The following LARGE1 variants were observed in gnomAD, a reference collection of about 807,000 sequenced individuals.
LARGE1 encodes the protein xylosyl- and glucuronyltransferase LARGE1.
A neutral mutation model predicts 87.6 loss-of-function variants in LARGE1; 43 were observed. That is an observed-to-expected ratio of 0.49 (90% confidence interval 0.38 to 0.63). The LOEUF is 0.63. Among genes scored for constraint, LARGE1 ranks in the 30% least tolerant of loss-of-function variants. The pLI is 0.00. For missense variants in LARGE1, 802 were observed against 1,000.2 expected (o/e 0.80, Z 2.67); for synonymous variants, 434 against 394.6 (o/e 1.10, Z -1.18).
chr22:33,493,223 C>A, intron 6 of LARGE1, among the ~76,000 whole-genome samples: 1 of 138,118 alleles, frequency 7.2e-6, no homozygotes, highest in Non-Finnish European at 1.5e-5. Flanking sequence ...TGCAGTGGTG[C>A]GATCTCGGCT....
chr22:33,497,321 C>A (rs965687730), intron 6 of LARGE1, among the ~76,000 whole-genome samples: 2 of 152,132 alleles, frequency 1.3e-5, no homozygotes, highest in African/African-American at 4.8e-5. Context: ...AGTGATCCAC[C>A]CACCTTGGCC....
chr22:33,772,365 T>C (rs77755683), intron 1 of LARGE1, among the ~76,000 whole-genome samples: 3 of 151,656 alleles, frequency 2.0e-5, no homozygotes, highest in African/African-American at 7.3e-5. Context: ...GTGTCTCTCA[T>C]CAACTCTTAA....
chr22:33,171,518 C>T (rs1922570180), intron 11 of LARGE1, among the ~76,000 whole-genome samples: 1 of 152,208 alleles, frequency 6.6e-6, no homozygotes, highest in African/African-American at 2.4e-5. Context: ...GCACCCAGGG[C>T]CCCACTGCTC....
intron 10 of LARGE1, among the ~76,000 whole-genome samples, chr22:33,320,351 C>A (rs146460624): frequency 6.6e-6 from 1 of 152,138 alleles, no homozygotes; most frequent in Non-Finnish European, 1.5e-5. Context: ...AAAAACCTTC[C>A]ATTTACCTTT....
intron 1 of LARGE1, among the ~76,000 whole-genome samples, chr22:33,837,816 A>G (rs930529815): frequency 2.6e-5 from 4 of 152,222 alleles, no homozygotes; most frequent in South Asian, 2.1e-4. Flanking sequence ...GGCCAGCAAG[A>G]TATCTTCCAC....
rs145876751 is a variant in LARGE1 at position 33,308,629 on chromosome 22, G to A, written c.1452-4122C>T. ...TGACATGAGAAGAGGTGAGACAACC[G>A]GCTTGTACCTGCCGCCATGTGAACT... On this transcript the variant is annotated intron_variant, in intron 11 of 14. Transcript: ENST00000397394. Among the ~76,000 whole-genome samples the A allele has an allele frequency of 2.8e-3, 433 of 152,192 alleles. 1 individual carries two copies. The highest frequency in any genetic ancestry group is 0.01 in the African/African-American group (415 of 41,494).
chr22:33,312,867 G>A (rs888345181), intron 11 of LARGE1, among the ~76,000 whole-genome samples: 1 of 152,210 alleles, frequency 6.6e-6, no homozygotes, highest in Non-Finnish European at 1.5e-5. Context: ...GGAGGAGAAG[G>A]AAACACATAT....
At chr22:33,442,948 C>T (rs1334262692) in intron 6 of LARGE1, among the ~76,000 whole-genome samples, 3 of 152,108 alleles carry the variant, frequency 2.0e-5, no homozygotes, top group Admixed American at 2.0e-4. Context: ...GCCCGCACCA[C>T]ATCCGGCTAA....
chr22:33,283,084 C>G, intron 13 of LARGE1, 118 bp downstream of exon 13: 2 of 1,263,236 alleles, frequency 1.6e-6, no homozygotes, highest in Non-Finnish European at 1.2e-6. Context: ...GCTTTCCTGG[C>G]CTCACAATGG....
rs557315929 is a variant in LARGE1 at position 33,859,263 on chromosome 22, T to A, written c.-83+60732A>T. ...CAAACCTGTATCATGATAATAATGT[T>A]GTATTACTGTACTTCCTAATTTCAG... On this transcript the variant is annotated intron_variant, in intron 1 of 14. Coordinates refer to ENST00000397394, the MANE Select transcript of LARGE1 (RefSeq NM_133642.5). Among the ~76,000 whole-genome samples the A allele has an allele frequency of 3.1e-3, 472 of 152,336 alleles. 1 individual carries two copies. The highest frequency in any genetic ancestry group is 5.9e-3 in the Non-Finnish European group (399 of 68,040).
intron 12 of LARGE1, among the ~76,000 whole-genome samples, chr22:33,284,635 T>C (rs1931162982): frequency 6.6e-6 from 1 of 151,820 alleles, no homozygotes; most frequent in South Asian, 2.1e-4. Flanking sequence ...TGGAGTGCAG[T>C]GGTGCAATCT....
chr22:33,112,237 T>C, the LARGE1 span, among the ~76,000 whole-genome samples: 1 of 152,154 alleles, frequency 6.6e-6, no homozygotes, highest in East Asian at 1.9e-4. Flanking sequence ...AAAAGTGGGA[T>C]CGAGAAAAGT....
At chr22:33,098,941 C>A in the LARGE1 span, among the ~76,000 whole-genome samples, 1 of 152,286 alleles carries the variant, frequency 6.6e-6, no homozygotes, top group East Asian at 1.9e-4. Flanking sequence ...CCTAAGAGGC[C>A]TAGAATATTA....
intron 2 of LARGE1, among the ~76,000 whole-genome samples, chr22:33,684,595 G>C (rs1387880295): frequency 6.6e-6 from 1 of 152,198 alleles, no homozygotes; most frequent in Non-Finnish European, 1.5e-5. Flanking sequence ...CGGAACTGAG[G>C]AAATTGAGAA....
intron 2 of LARGE1, among the ~76,000 whole-genome samples, chr22:33,652,453 G>A (rs2080848927): frequency 6.6e-6 from 1 of 152,032 alleles, no homozygotes; most frequent in South Asian, 2.1e-4. Context: ...CATGCTTACT[G>A]TTCAGGAGCC....
Position 33,383,501 on chromosome 22 carries a change from C to T in LARGE1, c.1005+691G>A, listed in dbSNP as rs567023172. Among the ~76,000 whole-genome samples the T allele has an allele frequency of 3.3e-3, 500 of 151,996 alleles. 3 individuals are homozygous for T. Among genetic ancestry groups the T allele is most frequent in the African/African-American group, 0.012 (481 of 41,474 alleles). On this transcript the variant is annotated intron_variant, in intron 8 of 14. Coordinates refer to ENST00000397394, the MANE Select transcript of LARGE1 (RefSeq NM_133642.5). ...CTTGAACCCAGGAGGCGGAGGTTGC[C>T]GTGAGCCGAGACTGTACCACTGCAT...
At chr22:33,185,508 G>T (rs72620419) in intron 11 of LARGE1, among the ~76,000 whole-genome samples, 1 of 152,002 alleles carries the variant, frequency 6.6e-6, no homozygotes, top group Admixed American at 6.6e-5. Context: ...ATAGAAACCC[G>T]TAGAATATTT....
intron 6 of LARGE1, among the ~76,000 whole-genome samples, chr22:33,467,133 G>A (rs926442213): frequency 2.6e-5 from 4 of 152,190 alleles, no homozygotes; most frequent in Admixed American, 1.3e-4. Context: ...TTTTTCCAGA[G>A]GCAGGTGTTA....
chr22:33,067,122 A>T, the LARGE1 span, among the ~76,000 whole-genome samples: 1 of 151,928 alleles, frequency 6.6e-6, no homozygotes, highest in Non-Finnish European at 1.5e-5. Flanking sequence ...AAGCCCCTGG[A>T]AGGAGAGCAG....
Sources: allele counts gnomAD v4.1 joint callset (sites outside exome capture counted in the v4.1 genomes callset), GRCh38; gene constraint gnomAD v4.1.1; transcripts MANE v1.5; gene names NCBI Gene and HGNC (gene_info 2026-07-23, HGNC 2026-07-21).